Variants in TJP1 observed in about 807,000 individuals in gnomAD.
TJP1 encodes the protein tight junction protein 1, also known as tight junction protein ZO-1.
A neutral mutation model predicts 194.2 loss-of-function variants in TJP1; 43 were observed. The ratio of observed to expected loss-of-function variants is 0.22; its 90% CI spans 0.17 to 0.29. The LOEUF (loss-of-function observed/expected upper bound fraction) is 0.29. Ranked by LOEUF, TJP1 falls within the 10% of genes least tolerant of loss-of-function variation. TJP1 has a pLI of 1.00. For missense variants in TJP1, 1,971 were observed against 2,185.7 expected, an observed-to-expected ratio of 0.90 and a Z score of 1.96; for synonymous variants, 801 against 779.0, an observed-to-expected ratio of 1.03 and a Z score of -0.47.
chr15:29,761,807 A>G (rs752206738), intron 6 of TJP1, 38 bp from the exon 7 acceptor site: 3 of 1,477,044 alleles, frequency 2.0e-6, no homozygotes, highest in Non-Finnish European at 2.7e-6. Context: ...AAAGTAAATA[A>G]TAAAATACAA....
intron 2 of TJP1, 86 bp from the exon 3 acceptor site, chr15:29,773,443 A>T: frequency 2.3e-6 from 3 of 1,332,458 alleles, no homozygotes; most frequent in Non-Finnish European, 3.1e-6. Context: ...AAGCCAAAAT[A>T]TAAAAATTAC....
chr15:29,751,114 T>C (rs77714509), intron 8 of TJP1, among the ~76,000 whole-genome samples: 1,977 of 152,248 alleles, frequency 0.013, 50 homozygotes, highest in East Asian at 0.096. Context: ...TTCACAACGA[T>C]TAAAAAATGG....
intron 8 of TJP1, among the ~76,000 whole-genome samples, chr15:29,756,114 C>A (rs1381017907): frequency 6.6e-6 from 1 of 152,034 alleles, no homozygotes; most frequent in African/African-American, 2.4e-5. Flanking sequence ...TATGCAGGGA[C>A]TACAGGAAGA....
chr15:29,701,774 A>G, intron 27 of TJP1, 85 bp from the exon 28 acceptor site: 1 of 925,594 alleles, frequency 1.1e-6, no homozygotes, highest in African/African-American at 1.7e-5. Context: ...AAATACGTAT[A>G]TTTAGACATA....
chr15:29,702,781 T>G (rs1185094605), intron 27 of TJP1, among the ~76,000 whole-genome samples: 1 of 152,260 alleles, frequency 6.6e-6, no homozygotes. Context: ...CATGTAATTT[T>G]TTCCTCTGAT....
chr15:29,917,490 A>G (rs1248234569), intron 2 of TJP1, among the ~76,000 whole-genome samples: 3 of 152,214 alleles, frequency 2.0e-5, no homozygotes, highest in Non-Finnish European at 4.4e-5. Flanking sequence ...GAGATGCAAC[A>G]CTTTTCAGAA....
intron 2 of TJP1, among the ~76,000 whole-genome samples, chr15:29,910,797 C>G (rs1354393180): frequency 6.6e-6 from 1 of 152,104 alleles, no homozygotes; most frequent in African/African-American, 2.4e-5. Context: ...ACAGAGAAGT[C>G]CCAACTTATA....
At chr15:29,794,809 T>TA (rs1048135220) in intron 2 of TJP1, among the ~76,000 whole-genome samples, 3 of 151,650 alleles carry the variant, frequency 2.0e-5, no homozygotes, top group Admixed American at 6.6e-5. Context: ...TCGCTTCCAG[T>TA]AAAAAAAACT....
In TJP1 at chr15:29,919,617, G is replaced by A. The variant is rs190661888; in HGVS notation, c.306+36615C>T. The stretch of plus-strand genomic sequence containing the variant: ...GAGTGCTAGACTGGAAAGACCAGAG[G>A]TGACCTTGGAGACCTGAGTGCAGTG... On this transcript the variant is annotated intron_variant, in intron 2 of 28. Transcript: ENST00000356107. 3.3e-5 allele frequency among the ~76,000 whole-genome samples: 5 copies of A among 152,300 alleles called. No homozygotes were observed. In the East Asian group the frequency reaches 9.7e-4, roughly 29 times the overall value.
At chr15:29,730,212 G>A (rs1302237684) in intron 15 of TJP1, among the ~76,000 whole-genome samples, 1 of 152,082 alleles carries the variant, frequency 6.6e-6, no homozygotes, top group Non-Finnish European at 1.5e-5. Flanking sequence ...AATTTAGGGT[G>A]GTGATATGTG....
At chr15:29,775,731 A>G (rs2046975468) in intron 2 of TJP1, among the ~76,000 whole-genome samples, 1 of 152,224 alleles carries the variant, frequency 6.6e-6, no homozygotes, top group Non-Finnish European at 1.5e-5. Flanking sequence ...AATGACTATT[A>G]GAACAGCATT....
In TJP1 at chr15:29,855,264, A is replaced by G. The variant is rs142976512; in HGVS notation, c.307-54562T>C. 6.7e-3 allele frequency among the ~76,000 whole-genome samples: 1,023 copies of G among 152,306 alleles called. 10 individuals carry two copies. Among genetic ancestry groups the G allele is most frequent in the African/African-American group, 0.023 (950 of 41,566 alleles). ...TGCTTGGTTGTTGGGTAGAAGATTG[A>G]GTAACTGTAAGGTACAAGTTAGTCT... On this transcript the variant is annotated intron_variant, in intron 2 of 28. Transcript: ENST00000356107.
At chr15:29,932,127 T>A (rs576833197) in intron 2 of TJP1, among the ~76,000 whole-genome samples, 1 of 152,334 alleles carries the variant, frequency 6.6e-6, no homozygotes, top group South Asian at 2.1e-4. Context: ...TGACTTAGAA[T>A]GCTTTAACCG....
chr15:29,797,806 A>G (rs1451803065), intron 2 of TJP1, among the ~76,000 whole-genome samples: 1 of 152,222 alleles, frequency 6.6e-6, no homozygotes, highest in African/African-American at 2.4e-5. Flanking sequence ...CGTGAAGTCT[A>G]TGTTGTATTT....
rs182060869 is a variant in TJP1 at position 29,755,538 on chromosome 15, C to T, written c.1010+5601G>A. ...ATCATAAGCTGTATCAATGCTGACA[C>T]ACCTTTTACTTTAGAATTCAGTAGA... On this transcript the variant is annotated intron_variant, in intron 8 of 27. Transcript: ENST00000614355. Among the ~76,000 whole-genome samples, 537 of 152,294 alleles carry T rather than the reference C, an allele frequency of 3.5e-3. 3 individuals carry two copies. Among genetic ancestry groups the T allele is most frequent in the Middle Eastern group, 0.01 (3 of 294 alleles).
intron 2 of TJP1, among the ~76,000 whole-genome samples, chr15:29,871,661 C>T (rs1374830889): frequency 1.3e-5 from 2 of 152,242 alleles, no homozygotes; most frequent in Non-Finnish European, 2.9e-5. Flanking sequence ...CGTGAAAAAG[C>T]CGTCTTGGGC....
chr15:29,968,246 T>C, intron 1 of TJP1: 2 of 985,312 alleles, frequency 2.0e-6, no homozygotes, highest in Non-Finnish European at 2.4e-6. Flanking sequence ...TTTTGGAAAA[T>C]AACTGAAAAC....
Position 29,716,763 on chromosome 15 carries a change from T to A in TJP1, c.4050A>T (p.Glu1350Asp). The change falls in exon 23 of 28, where the codon GAA becomes GAT. Residue 1350 changes from glutamate to aspartate, a missense_variant. This residue lies in a region of TJP1 where 1,108 missense variants were observed against 1,128.5 expected (regional missense o/e 0.98). Transcript: ENST00000614355. ...IVRSNHYDPE[E>D]DEEYYRKQLS... ...GCTGTTTTCGATAATATTCTTCATC[T>A]TCTTCAGGGTCATAATGATTGGACC... 1 of 1,614,156 alleles carries A rather than the reference T, an allele frequency of 6.2e-7. No individual in the cohort carries two copies. The highest frequency in any genetic ancestry group is 2.2e-5 in the East Asian group (1 of 44,884).
chr15:29,802,193 G>T (rs1413460298), intron 1 of TJP1, among the ~76,000 whole-genome samples: 1 of 152,144 alleles, frequency 6.6e-6, no homozygotes. Context: ...GGCTAAGCAT[G>T]ACACTCTCAG....
Sources: gnomAD v4.1 joint callset for allele counts (sites outside exome capture counted in the v4.1 genomes callset) on GRCh38, gnomAD v4.1.1 for gene constraint, gnomAD v4.1.1 regional missense constraint, MANE v1.5 for transcripts, NCBI Gene and HGNC (gene_info 2026-07-23, HGNC 2026-07-21) for gene names.